The following COL26A1 variants were observed in gnomAD, a reference collection of about 807,000 sequenced individuals.
COL26A1 encodes collagen alpha-1(XXVI) chain.
A neutral mutation model predicts 59.3 loss-of-function variants in COL26A1; 41 were observed. The observed-to-expected ratio is 0.69, with a 90% CI of 0.54 to 0.90. The LOEUF (loss-of-function observed/expected upper bound fraction) is 0.90, where lower values mean the gene tolerates loss of function less well. COL26A1 is among the 40% of genes least tolerant of loss of function. COL26A1 has a pLI of 0.00. For missense variants in COL26A1, 612 were observed against 602.3 expected (o/e 1.02, Z -0.17); for synonymous variants, 266 against 256.0 (o/e 1.04, Z -0.37).
chr7:101,375,080 TAAATA>T, intron 1 of COL26A1, among the ~76,000 whole-genome samples: 1 of 151,036 alleles, frequency 6.6e-6, no homozygotes, highest in East Asian at 1.9e-4. Flanking sequence ...TTTTTTTAAA[TAAATA>T]AAAAAAAAGA....
intron 9 of COL26A1, 74 bp from the exon 10 acceptor site, chr7:101,551,034 G>A (rs182835558): frequency 1.4e-5 from 21 of 1,450,190 alleles, no homozygotes; most frequent in Non-Finnish European, 2.0e-5. Context: ...TGGGCGGGGA[G>A]GGGGGTGGCC....
At chr7:101,410,438 A>C (rs574799212) in intron 1 of COL26A1, among the ~76,000 whole-genome samples, 3 of 149,718 alleles carry the variant, frequency 2.0e-5, no homozygotes, top group African/African-American at 7.3e-5. Context: ...TAAGAAAAGA[A>C]GTTTATTAAT....
At chr7:101,471,762 T>G (rs1176699146) in intron 3 of COL26A1, among the ~76,000 whole-genome samples, 7 of 151,750 alleles carry the variant, frequency 4.6e-5, no homozygotes, top group Non-Finnish European at 7.4e-5. Flanking sequence ...GTATTTTTAG[T>G]AGAGATGGGG....
rs2130696609 is a variant in COL26A1 at position 101,557,733 on chromosome 7, G to A, written c.*203G>A. ...ACACCCTCATCAGAGCCCTCCTCTG[G>A]CCTGTCCCCTCCCCTACCCCCACTC... On this transcript the variant is annotated 3_prime_UTR_variant, in exon 13 of 13. Coordinates refer to ENST00000313669, the MANE Select transcript of COL26A1 (RefSeq NM_001278563.3). 2 of 522,740 alleles carry A rather than the reference G, an allele frequency of 3.8e-6. No homozygotes were observed. The highest frequency in any genetic ancestry group is 3.4e-5 in the Admixed American group (1 of 29,366). The allele number at this position is 522,740 out of a possible 1,614,324, so 32.4% of individuals were successfully genotyped here.
chr7:101,521,527 G>C (rs747624470), intron 3 of COL26A1, among the ~76,000 whole-genome samples: 5 of 152,144 alleles, frequency 3.3e-5, no homozygotes, highest in African/African-American at 4.8e-5. Flanking sequence ...ATGCAGGTGT[G>C]AGGGAGGGTT....
chr7:101,418,455 CT>C (rs1229052177), intron 1 of COL26A1, among the ~76,000 whole-genome samples: 1 of 151,874 alleles, frequency 6.6e-6, no homozygotes, highest in African/African-American at 2.4e-5. Flanking sequence ...CCCTTGAGGA[CT>C]TTTTTTCTTA....
chr7:101,472,436 G>A (rs186728545), intron 3 of COL26A1, among the ~76,000 whole-genome samples: 1 of 152,260 alleles, frequency 6.6e-6, no homozygotes, highest in East Asian at 1.9e-4. Context: ...CTGTAACCAA[G>A]AGTGCCTAAC....
rs570900170 is a variant in COL26A1, at chr7:101,397,382, TTCTTTCTTTTTTTTTA to T, written c.159-22582_159-22567del. Among the ~76,000 whole-genome samples the T allele has an allele frequency of 4.6e-5, 7 of 151,754 alleles. No homozygotes were observed. The East Asian group carries it at 7.7e-4, about 17-fold the overall frequency. ...CTTCCTTCCTTCCTTCTTCTTCATCTTCTTTCTTTTTTTTTATCTTTCTTTTTTCTCTTCTTTCTTT... is the reference window on the plus strand; with the variant it reads ...CTTCCTTCCTTCCTTCTTCTTCATCTTCTTTCTTTTTTCTCTTCTTTCTTT... On this transcript the variant is annotated intron_variant, in intron 1 of 12. Transcript: ENST00000313669.
chr7:101,514,393 T>C (rs958229250), intron 3 of COL26A1, among the ~76,000 whole-genome samples: 16 of 152,098 alleles, frequency 1.1e-4, no homozygotes, highest in African/African-American at 3.9e-4. Context: ...AACGAGATTC[T>C]GTTTCACACC....
chr7:101,427,144 G>C (rs1181751086), intron 2 of COL26A1, among the ~76,000 whole-genome samples: 1 of 152,192 alleles, frequency 6.6e-6, no homozygotes, highest in East Asian at 1.9e-4. Flanking sequence ...CTTTGGCCTC[G>C]AATGCCTGGA....
chr7:101,363,325 CG>C (rs1221338754), intron 1 of COL26A1, 135 bp downstream of exon 1: 4 of 378,194 alleles, frequency 1.1e-5, no homozygotes, highest in Non-Finnish European at 1.4e-5. Flanking sequence ...CGCAGGGCAG[CG>C]GGGACTGGGG....
chr7:101,383,014 C>G (rs776405451), intron 1 of COL26A1, among the ~76,000 whole-genome samples: 1 of 152,056 alleles, frequency 6.6e-6, no homozygotes, highest in Non-Finnish European at 1.5e-5. Context: ...TGCACTCCAG[C>G]CTGGGTGACA....
chr7:101,526,216 T>G (rs1795245835), intron 3 of COL26A1, among the ~76,000 whole-genome samples: 1 of 151,956 alleles, frequency 6.6e-6, no homozygotes, highest in Admixed American at 6.6e-5. Context: ...ATCCAGCTAA[T>G]TTTTGTATTT....
intron 8 of COL26A1, 39 bp downstream of exon 8, chr7:101,547,278 T>C: frequency 3.5e-6 from 5 of 1,430,732 alleles, no homozygotes; most frequent in Non-Finnish European, 4.8e-6. Flanking sequence ...GAGGACTCCA[T>C]CCCCCCAGGG....
At chr7:101,478,890 C>T (rs192321038) in intron 3 of COL26A1, among the ~76,000 whole-genome samples, 2 of 152,134 alleles carry the variant, frequency 1.3e-5, no homozygotes, top group Non-Finnish European at 2.9e-5. Flanking sequence ...TTGTAGCTTG[C>T]TTTTTCACTT....
chr7:101,473,443 G>A (rs1793953505), intron 3 of COL26A1, among the ~76,000 whole-genome samples: 1 of 150,954 alleles, frequency 6.6e-6, no homozygotes, highest in Non-Finnish European at 1.5e-5. Flanking sequence ...CAAACACTGG[G>A]GCTTGGCACC....
intron 5 of COL26A1, 94 bp downstream of exon 5, chr7:101,540,143 C>G: frequency 1.6e-6 from 2 of 1,260,092 alleles, no homozygotes; most frequent in Non-Finnish European, 2.1e-6. Context: ...ACACACTAGA[C>G]ACTCTAGTTC....
chr7:101,483,568 C>T (rs908397699), intron 3 of COL26A1, among the ~76,000 whole-genome samples: 15 of 151,942 alleles, frequency 9.9e-5, no homozygotes, highest in Admixed American at 3.3e-4. Context: ...AGTGGAGTGG[C>T]GTGATCATAG....
chr7:101,496,463 T>C (rs1794587029), intron 3 of COL26A1, among the ~76,000 whole-genome samples: 1 of 151,954 alleles, frequency 6.6e-6, no homozygotes, highest in South Asian at 2.1e-4. Context: ...TGGGCTGAAG[T>C]GTGGAGATGG....
Sources: allele counts gnomAD v4.1 joint callset (sites outside exome capture counted in the v4.1 genomes callset), GRCh38; gene constraint gnomAD v4.1.1; transcripts MANE v1.5; gene names NCBI Gene and HGNC (gene_info 2026-07-23, HGNC 2026-07-21).